ERICH6: variants seen among roughly 807,000 people sequenced by gnomAD.
ERICH6 encodes the protein glutamate rich 6.
ERICH6 carries 71 observed loss-of-function variants against 71.0 expected under a neutral mutation model. That is an observed-to-expected ratio of 1.00 (90% CI 0.83 to 1.22). The LOEUF is 1.22. Ranked by LOEUF, ERICH6 falls within the 50% of genes most tolerant of loss-of-function variation. The probability of loss-of-function intolerance (pLI) is 0.00; values close to 1 mark genes in which losing one functional copy is unlikely to be tolerated. For missense variants in ERICH6, 808 were observed against 797.2 expected (o/e 1.01, Z -0.16); for synonymous variants, 262 against 278.4 (o/e 0.94, Z 0.59).
chr3:150,683,776 A>T (rs1712062855), intron 6 of ERICH6, among the ~76,000 whole-genome samples: 1 of 152,094 alleles, frequency 6.6e-6, no homozygotes, highest in Admixed American at 6.5e-5. Context: ...CAAAACAAAA[A>T]CAAAAACACA....
At chr3:150,680,645 G>C (rs1320038771) in intron 8 of ERICH6, 107 bp from the exon 9 acceptor site, 1 of 1,555,608 alleles carries the variant, frequency 6.4e-7, no homozygotes, top group Non-Finnish European at 8.8e-7. Flanking sequence ...TGTTTGATCT[G>C]TTATTACTTG....
At chr3:150,669,965 AG>A (rs1358251563) in intron 11 of ERICH6, among the ~76,000 whole-genome samples, 3 of 152,072 alleles carry the variant, frequency 2.0e-5, no homozygotes, top group African/African-American at 7.2e-5. Context: ...AGGCCAAGGC[AG>A]GAGGATTGTT....
intron 3 of ERICH6, among the ~76,000 whole-genome samples, chr3:150,687,485 AG>A (rs1212044215): frequency 6.6e-6 from 1 of 152,204 alleles, no homozygotes; most frequent in Non-Finnish European, 1.5e-5. Context: ...GCTTCTTTTA[AG>A]TACCATCAAT....
chr3:150,687,519 C>A (rs998402756), intron 3 of ERICH6, among the ~76,000 whole-genome samples: 1 of 152,126 alleles, frequency 6.6e-6, no homozygotes, highest in Non-Finnish European at 1.5e-5. Flanking sequence ...TGTTATTCTT[C>A]ATGAGATTTT....
At chr3:150,700,804 G>T (rs1026515941) in intron 2 of ERICH6, among the ~76,000 whole-genome samples, 1 of 152,070 alleles carries the variant, frequency 6.6e-6, no homozygotes, top group Non-Finnish European at 1.5e-5. Flanking sequence ...GGCTGGTCTT[G>T]AACTCCTGAC....
intron 11 of ERICH6, among the ~76,000 whole-genome samples, chr3:150,672,893 T>C (rs951040424): frequency 2.0e-5 from 3 of 151,708 alleles, no homozygotes; most frequent in African/African-American, 7.3e-5. Flanking sequence ...GGTGTAGTGG[T>C]GCATGCCTGT....
In ERICH6 at chr3:150,703,830, C is replaced by T. The variant is rs544810426; in HGVS notation, c.69G>A (p.Glu23=). The T allele has an allele frequency of 3.1e-6, 5 of 1,613,990 alleles. No individual in the cohort carries two copies. Among genetic ancestry groups the T allele is most frequent in the Non-Finnish European group, 4.2e-6 (5 of 1,179,970 alleles). The change falls in exon 1 of 14, where the codon GAG becomes GAA. Residue 23 remains glutamate, a synonymous_variant. Transcript: ENST00000295910. ...PGKKDQKESE[E]ELEEEEEEEE... The stretch of plus-strand genomic sequence containing the variant: ...CCTCCTCCTCCTCCTCCTCTAACTC[C>T]TCCTCTGACTCCTTCTGGTCCTTCT...
Position 150,680,841 on chromosome 3 carries a change from A to G in ERICH6, c.972T>C (p.Ala324=), listed in dbSNP as rs1296759058. Residue 324 remains alanine, a synonymous_variant, in exon 8 of 14, where the codon GCT becomes GCC. Coordinates refer to ENST00000295910, the MANE Select transcript of ERICH6 (RefSeq NM_152394.5). ...KTKPPKAELI[A]IDPHAAHGSE... ...TACCATGGGCTGCATGAGGGTCAAT[A>G]GCAATTAATTCAGCTTTAGGGGGTT... 1 of 1,614,126 alleles carries G rather than the reference A, an allele frequency of 6.2e-7. No individual in the cohort carries two copies. The highest frequency in any genetic ancestry group is 8.5e-7 in the Non-Finnish European group (1 of 1,180,028).
chr3:150,666,497 G>C (rs1727419440), intron 13 of ERICH6, among the ~76,000 whole-genome samples: 1 of 152,084 alleles, frequency 6.6e-6, no homozygotes, highest in Non-Finnish European at 1.5e-5. Flanking sequence ...AACACAATAC[G>C]AAATCTTTAA....
chr3:150,689,197 C>CT (rs1426078913), intron 3 of ERICH6, among the ~76,000 whole-genome samples: 1 of 151,294 alleles, frequency 6.6e-6, no homozygotes, highest in East Asian at 2.0e-4. Context: ...TACAACTTCT[C>CT]TTTTTTTGAA....
intron 9 of ERICH6, 100 bp downstream of exon 9, chr3:150,680,368 A>G: frequency 1.6e-6 from 2 of 1,259,940 alleles, no homozygotes; most frequent in Non-Finnish European, 2.3e-6. Context: ...GCACCTGGCC[A>G]ATACTATTTT....
chr3:150,677,191 CCTT>C (rs1187985020), intron 10 of ERICH6, among the ~76,000 whole-genome samples: 1 of 152,138 alleles, frequency 6.6e-6, no homozygotes, highest in Non-Finnish European at 1.5e-5. Flanking sequence ...GATCCTCCCA[CCTT>C]AGCCTCCTGA....
intron 13 of ERICH6, among the ~76,000 whole-genome samples, chr3:150,660,709 T>C (rs1238229905): frequency 6.6e-6 from 1 of 152,244 alleles, no homozygotes; most frequent in Non-Finnish European, 1.5e-5. Context: ...TGTTGTCTTC[T>C]TGCAGCTGCA....
At chr3:150,667,935 A>C (rs1727481807) in intron 12 of ERICH6, among the ~76,000 whole-genome samples, 2 of 152,196 alleles carry the variant, frequency 1.3e-5, no homozygotes, top group Non-Finnish European at 2.9e-5. Context: ...AAAAAGTTTA[A>C]ATTGTATTTG....
chr3:150,697,625 A>G (rs1310722343), intron 3 of ERICH6, among the ~76,000 whole-genome samples: 2 of 152,122 alleles, frequency 1.3e-5, no homozygotes, highest in African/African-American at 4.8e-5. Flanking sequence ...CTTTATTGGT[A>G]TCTAGGACAC....
chr3:150,682,324 G>C lies in ERICH6; in HGVS notation c.784-8C>G. On this transcript the variant is annotated splice_polypyrimidine_tract_variant and splice_region_variant and intron_variant, in intron 6 of 13. Transcript: ENST00000295910. ...TGTCTCCTCCTCTTCATCCTTCAGA[G>C]AGAGAGGAAAAAAATTAAAGAAGTC... is the stretch of plus-strand genomic sequence containing the variant. 6.2e-7 allele frequency: 1 copy of C among 1,607,880 alleles called. No homozygotes were observed.
intron 13 of ERICH6, among the ~76,000 whole-genome samples, chr3:150,665,469 C>T (rs1014390385): frequency 1.4e-5 from 2 of 141,430 alleles, no homozygotes; most frequent in South Asian, 4.6e-4. Context: ...GTGAGCCAAG[C>T]TCGCACCACT....
chr3:150,684,614 A>G (rs1293850512), intron 6 of ERICH6, among the ~76,000 whole-genome samples: 1 of 152,198 alleles, frequency 6.6e-6, no homozygotes, highest in African/African-American at 2.4e-5. Flanking sequence ...GGAAACAAGC[A>G]TTCCACCAGT....
chr3:150,660,208 G>A lies in ERICH6; in HGVS notation c.1729-53C>T, dbSNP rs1576543635. ...ACTCAGAGTCCAGAAGTGGAACTGG[G>A]GAGGTGGGAGGAGCTGAGTCATGGC... On this transcript the variant is annotated intron_variant, in intron 13 of 13. Coordinates refer to ENST00000295910, the MANE Select transcript of ERICH6 (RefSeq NM_152394.5). 24 of 1,576,338 alleles carry A rather than the reference G, an allele frequency of 1.5e-5. 1 individual carries two copies. In the South Asian group the frequency reaches 2.0e-4, roughly 13 times the overall value.
Sources: allele counts gnomAD v4.1 joint callset (sites outside exome capture counted in the v4.1 genomes callset), GRCh38; gene constraint gnomAD v4.1.1; transcripts MANE v1.5; gene names NCBI Gene and HGNC (gene_info 2026-07-23, HGNC 2026-07-21).